OR51C1: variants seen among roughly 807,000 people sequenced by gnomAD.
The protein encoded by OR51C1 is olfactory receptor OR51C1.
chr11:4,692,136 C>T, the OR51C1 span: 2 of 451,352 alleles, frequency 4.4e-6, no homozygotes, highest in Admixed American at 2.4e-5. Context: ...TACACTGGGG[C>T]TGTGGAACAG....
chr11:4,690,778 G>T, the OR51C1 span: 1 of 411,274 alleles, frequency 2.4e-6, no homozygotes, highest in South Asian at 1.8e-5. Context: ...TTGGAATGGA[G>T]AATTTTTATC....
the OR51C1 span, among the ~76,000 whole-genome samples, chr11:4,694,573 TATACAC>T: frequency 8.4e-6 from 1 of 118,874 alleles, no homozygotes; most frequent in Non-Finnish European, 2.0e-5. Flanking sequence ...TACATATATA[TATACAC>T]ACACACACAC....
chr11:4,693,985 G>A, the OR51C1 span, among the ~76,000 whole-genome samples: 1 of 152,010 alleles, frequency 6.6e-6, no homozygotes, highest in African/African-American at 2.4e-5. Flanking sequence ...AAGTACAGAG[G>A]GGCTCCATTT....
chr11:4,694,545 T>G, the OR51C1 span, among the ~76,000 whole-genome samples: 4,556 of 139,778 alleles, frequency 0.033, 189 homozygotes, highest in East Asian at 0.23. Flanking sequence ...TATACGTATA[T>G]ATATATACAC....
At chr11:4,691,359 G>A in the OR51C1 span, 73 of 457,900 alleles carry the variant, frequency 1.6e-4, no homozygotes, top group Middle Eastern at 2.9e-3. Flanking sequence ...CAACAGCACT[G>A]AGGATTCCAT....
the OR51C1 span, among the ~76,000 whole-genome samples, chr11:4,692,942 C>G: frequency 3.9e-4 from 59 of 151,922 alleles, no homozygotes; most frequent in African/African-American, 1.4e-3. Flanking sequence ...ACGATTTGGC[C>G]AAATAATGAA....
the OR51C1 span, among the ~76,000 whole-genome samples, chr11:4,696,517 G>A: frequency 6.6e-6 from 1 of 152,140 alleles, no homozygotes; most frequent in Admixed American, 6.5e-5. Flanking sequence ...GTGGGTATTT[G>A]CAGCTATTAT....
the OR51C1 span, chr11:4,697,567 A>G: frequency 2.0e-5 from 3 of 152,656 alleles, no homozygotes; most frequent in African/African-American, 4.8e-5. Context: ...AATTCTGCAC[A>G]TTGTGAGGAA....
At chr11:4,693,517 C>T in the OR51C1 span, among the ~76,000 whole-genome samples, 1 of 152,190 alleles carries the variant, frequency 6.6e-6, no homozygotes, top group Admixed American at 6.5e-5. Context: ...GTCAGGAGAT[C>T]GAGACCATCC....
At chr11:4,692,780 C>G in the OR51C1 span, among the ~76,000 whole-genome samples, 1 of 150,116 alleles carries the variant, frequency 6.7e-6, no homozygotes, top group Non-Finnish European at 1.5e-5. Flanking sequence ...GGAGAGGAAC[C>G]TCAACGTATC....
At chr11:4,691,529 G>T in the OR51C1 span, 1 of 456,922 alleles carries the variant, frequency 2.2e-6, no homozygotes, top group Non-Finnish European at 4.4e-6. Context: ...ACATTGGTTC[G>T]TGGAGGCTGG....
the OR51C1 span, among the ~76,000 whole-genome samples, chr11:4,696,724 A>G: frequency 6.6e-6 from 1 of 152,110 alleles, no homozygotes; most frequent in Admixed American, 6.6e-5. Context: ...GAAATAAGCT[A>G]TATTCTCTCA....
the OR51C1 span, chr11:4,691,610 A>G: frequency 2.4e-5 from 11 of 453,538 alleles, 1 homozygote; most frequent in Middle Eastern, 2.3e-3. Context: ...AGCAGAAGGG[A>G]ATGGAGATCC....
At chr11:4,693,910 G>C in the OR51C1 span, among the ~76,000 whole-genome samples, 1 of 152,128 alleles carries the variant, frequency 6.6e-6, no homozygotes, top group African/African-American at 2.4e-5. Context: ...GGCAGAAAGA[G>C]CAGAACCGTT....
the OR51C1 span, among the ~76,000 whole-genome samples, chr11:4,693,486 C>T: frequency 6.6e-6 from 1 of 152,150 alleles, no homozygotes; most frequent in Non-Finnish European, 1.5e-5. Flanking sequence ...CTTTGGGAGG[C>T]CGAGGTGGGC....
chr11:4,691,139 C>T, the OR51C1 span: 9 of 456,400 alleles, frequency 2.0e-5, no homozygotes, highest in Non-Finnish European at 3.5e-5. Context: ...TGCATGAGAG[C>T]TTCATCACAT....
At chr11:4,692,852 GA>G in the OR51C1 span, among the ~76,000 whole-genome samples, 23 of 136,666 alleles carry the variant, frequency 1.7e-4, no homozygotes, top group Admixed American at 9.5e-4. Context: ...AAGTCTTAGT[GA>G]AAAAAAAAGG....
chr11:4,692,088 T>C, the OR51C1 span: 5 of 426,910 alleles, frequency 1.2e-5, no homozygotes, highest in East Asian at 2.1e-4. Flanking sequence ...AAAGAGGTAG[T>C]GCATTATTTT....
chr11:4,694,002 A>G, the OR51C1 span, among the ~76,000 whole-genome samples: 27 of 152,330 alleles, frequency 1.8e-4, no homozygotes, highest in African/African-American at 4.6e-4. Flanking sequence ...ATTTATGTCA[A>G]TTAATTCTGG....
Sources: gnomAD v4.1 joint callset for allele counts (sites outside exome capture counted in the v4.1 genomes callset) on GRCh38, gnomAD v4.1.1 for gene constraint, MANE v1.5 for transcripts, NCBI Gene and HGNC (gene_info 2026-07-23, HGNC 2026-07-21) for gene names.